PRKG1: variants seen among roughly 807,000 people sequenced by gnomAD.
The protein encoded by PRKG1 is cGMP-dependent protein kinase 1.
PRKG1 carries 35 observed loss-of-function variants against 88.1 expected under a neutral mutation model. The observed-to-expected ratio is 0.40, with a 90% CI of 0.30 to 0.53. PRKG1 has a LOEUF of 0.53. Ranked by LOEUF, PRKG1 falls within the 20% of genes least tolerant of loss-of-function variation. PRKG1 has a pLI of 0.59. For synonymous variants in PRKG1, 303 were observed against 292.5 expected (o/e 1.04, Z -0.37); for missense variants, 540 against 839.8 (o/e 0.64, Z 4.41).
intron 2 of PRKG1, among the ~76,000 whole-genome samples, chr10:51,293,863 C>T (rs369247401): frequency 6.7e-4 from 102 of 152,190 alleles, no homozygotes; most frequent in African/African-American, 2.5e-3. Context: ...ATAAGAGTTC[C>T]GTTTTCTTCA....
intron 5 of PRKG1, among the ~76,000 whole-genome samples, chr10:51,933,660 A>C (rs541366376): frequency 5.9e-5 from 9 of 152,060 alleles, no homozygotes; most frequent in Non-Finnish European, 1.3e-4. Context: ...CAAAAGAAAC[A>C]AAAAAATTTG....
At position 51,916,557 on chromosome 10, in the gene PRKG1, C is replaced by T. The variant is rs559953098; in HGVS notation, c.762+8987C>T. On this transcript the variant is annotated intron_variant, in intron 5 of 17. Transcript: ENST00000373980. ...TCTTAATACACTTGCTTTCACTTTA[C>T]TCTGTGGACTCGCCTTGAATTCTTT... is the stretch of plus-strand genomic sequence containing the variant. Among the ~76,000 whole-genome samples the T allele has an allele frequency of 1.1e-4, 16 of 152,300 alleles. No homozygotes were observed. The East Asian group carries it at 3.1e-3, about 29-fold the overall frequency.
In PRKG1 at chr10:52,297,819, T is replaced by C. The variant is rs983066312; in HGVS notation, c.*3919T>C. The stretch of plus-strand genomic sequence containing the variant: ...CCAGACCTCGTTATGAAACCAATGA[T>C]GAAAAAGTCACTTGGTGCACCTCTC... On this transcript the variant is annotated 3_prime_UTR_variant, in exon 18 of 18. Coordinates refer to ENST00000373980, the MANE Select transcript of PRKG1 (RefSeq NM_006258.4). The C allele has an allele frequency of 5.9e-5, 9 of 152,294 alleles. No homozygotes were observed. Among genetic ancestry groups the C allele is most frequent in the African/African-American group, 1.9e-4 (8 of 41,568 alleles). The allele number at this position is 152,294 out of a possible 1,614,324, so 9.4% of individuals were successfully genotyped here. A position where few individuals can be genotyped will look rare whatever the true frequency, so the allele number is the denominator to read the frequency against.
intron 3 of PRKG1, among the ~76,000 whole-genome samples, chr10:51,493,461 T>C (rs1448371618): frequency 1.6e-5 from 2 of 126,794 alleles, no homozygotes; most frequent in East Asian, 1.9e-4. Flanking sequence ...TATGATGACA[T>C]TTTTTCCATT....
At chr10:51,956,689 A>G (rs376800840) in intron 5 of PRKG1, among the ~76,000 whole-genome samples, 4 of 151,032 alleles carry the variant, frequency 2.6e-5, no homozygotes, top group South Asian at 4.3e-4. Context: ...TGAATGAACT[A>G]TTTCATATTC....
At chr10:51,075,834 C>G (rs970464304) in intron 1 of PRKG1, among the ~76,000 whole-genome samples, 23 of 152,156 alleles carry the variant, frequency 1.5e-4, no homozygotes, top group African/African-American at 5.3e-4. Context: ...ACACTCAACT[C>G]AGAGTTCATA....
chr10:51,072,264 C>T (rs958864838), upstream of PRKG1, among the ~76,000 whole-genome samples: 2 of 152,080 alleles, frequency 1.3e-5, no homozygotes, highest in Admixed American at 6.6e-5. Flanking sequence ...CCCAGCTTAG[C>T]AGTTGTCTAA....
At chr10:51,680,078 A>C (rs750167397) in intron 3 of PRKG1, among the ~76,000 whole-genome samples, 1 of 152,170 alleles carries the variant, frequency 6.6e-6, no homozygotes, top group Non-Finnish European at 1.5e-5. Flanking sequence ...CAGGCCACAC[A>C]CGGGCCACCA....
chr10:51,907,725 G>A (rs1045573001), intron 5 of PRKG1, 155 bp downstream of exon 5: 2 of 542,430 alleles, frequency 3.7e-6, no homozygotes, highest in African/African-American at 1.9e-5. Flanking sequence ...CGTATAGAAA[G>A]CAGCTTATCA....
intron 2 of PRKG1, among the ~76,000 whole-genome samples, chr10:51,428,834 G>A (rs943380548): frequency 6.6e-6 from 1 of 152,168 alleles, no homozygotes; most frequent in African/African-American, 2.4e-5. Context: ...CAGCTAGCCT[G>A]ACAGCATGGT....
At chr10:51,884,735 C>G (rs1841527383) in intron 4 of PRKG1, among the ~76,000 whole-genome samples, 1 of 152,076 alleles carries the variant, frequency 6.6e-6, no homozygotes, top group Non-Finnish European at 1.5e-5. Context: ...GGATGAGATT[C>G]TTTTCAGCTT....
At chr10:51,991,310 T>C (rs1844300407) in intron 5 of PRKG1, among the ~76,000 whole-genome samples, 1 of 152,162 alleles carries the variant, frequency 6.6e-6, no homozygotes. Context: ...CCATTCCAAT[T>C]TGATACTCTT....
In PRKG1 at chr10:52,047,010, C is replaced by T. The variant is rs541416060; in HGVS notation, c.763-7474C>T. 7 of 152,094 alleles carry T rather than the reference C, an allele frequency of 4.6e-5. No individual in the cohort carries two copies. The East Asian group carries it at 7.7e-4, about 17-fold the overall frequency. The allele number at this position is 152,094 out of a possible 1,614,324, so 9.4% of individuals were successfully genotyped here. Reference sequence around the variant, plus strand: ...GTCCCGAGTGGAAGATGAGATGTAGCGCTTAAATAGAAAATCTCTATAGTA... The same window carrying T: ...GTCCCGAGTGGAAGATGAGATGTAGTGCTTAAATAGAAAATCTCTATAGTA... On this transcript the variant is annotated intron_variant, in intron 5 of 17. Coordinates refer to ENST00000373980, the MANE Select transcript of PRKG1 (RefSeq NM_006258.4).
At chr10:52,293,429 AC>A (rs1842310152) in intron 17 of PRKG1, among the ~76,000 whole-genome samples, 1 of 151,970 alleles carries the variant, frequency 6.6e-6, no homozygotes, top group African/African-American at 2.4e-5. Flanking sequence ...TTCATATGGA[AC>A]CAAAAAAGAG....
At position 51,454,539 on chromosome 10, in the gene PRKG1, A is replaced by G. The variant is rs184350426; in HGVS notation, c.479-13184A>G. Among the ~76,000 whole-genome samples the G allele has an allele frequency of 4.6e-5, 7 of 152,320 alleles. No homozygotes were observed. In the East Asian group the frequency reaches 1.4e-3, roughly 29 times the overall value. ...CTGTTCTCACACTGATAATAAAGAC[A>G]TACCTGAGACTGGGTAATTTATAAG... On this transcript the variant is annotated intron_variant, in intron 2 of 17. Coordinates refer to ENST00000373980, the MANE Select transcript of PRKG1 (RefSeq NM_006258.4).
chr10:52,086,609 T>G (rs1846921856), intron 7 of PRKG1, among the ~76,000 whole-genome samples: 1 of 152,068 alleles, frequency 6.6e-6, no homozygotes, highest in South Asian at 2.1e-4. Context: ...TTCACCGTGT[T>G]GGCCAGGCTA....
chr10:51,625,817 A>G (rs1839322315), intron 3 of PRKG1, among the ~76,000 whole-genome samples: 1 of 152,156 alleles, frequency 6.6e-6, no homozygotes. Flanking sequence ...AACAGAACAG[A>G]GAGTCACAGT....
chr10:51,079,066 C>T (rs1844041236), intron 1 of PRKG1, among the ~76,000 whole-genome samples: 1 of 152,120 alleles, frequency 6.6e-6, no homozygotes, highest in Non-Finnish European at 1.5e-5. Flanking sequence ...CTAGTGTAAT[C>T]ATAGATGGCA....
intron 2 of PRKG1, among the ~76,000 whole-genome samples, chr10:51,454,258 A>G (rs1839518719): frequency 6.6e-6 from 1 of 152,044 alleles, no homozygotes; most frequent in African/African-American, 2.4e-5. Flanking sequence ...TAAAATTTAT[A>G]TGGAACTAAA....
Sources: gnomAD v4.1 joint callset for allele counts (sites outside exome capture counted in the v4.1 genomes callset) on GRCh38, gnomAD v4.1.1 for gene constraint, MANE v1.5 for transcripts, NCBI Gene and HGNC (gene_info 2026-07-23, HGNC 2026-07-21) for gene names.